Variants in CEP72 observed in about 807,000 individuals in gnomAD.
The protein encoded by CEP72 is centrosomal protein of 72 kDa.
Under a neutral mutation model 65.7 loss-of-function variants are expected in CEP72, and 78 were observed. The observed-to-expected ratio is 1.19, with a 90% CI of 0.99 to 1.43. The LOEUF is 1.43. Ranked by LOEUF, CEP72 falls within the 40% of genes most tolerant of loss-of-function variation. The pLI is 0.00. For synonymous variants in CEP72, 358 were observed against 351.7 expected (o/e 1.02, Z -0.20); for missense variants, 914 against 832.9 (o/e 1.10, Z -1.20).
intron 9 of CEP72, chr5:641,350 G>C (rs1035692693): frequency 3.9e-5 from 38 of 985,336 alleles, no homozygotes; most frequent in Non-Finnish European, 4.3e-5. Flanking sequence ...TGAGGGCAGA[G>C]CCACGTGAGG....
At chr5:648,909 G>C (rs997551903) in intron 11 of CEP72, among the ~76,000 whole-genome samples, 18 of 72,886 alleles carry the variant, frequency 2.5e-4, no homozygotes, top group African/African-American at 5.6e-4. Context: ...GACTGTGAGG[G>C]GTGACTGTGA....
At chr5:620,872 A>G (rs1443343926) in intron 3 of CEP72, among the ~76,000 whole-genome samples, 2 of 152,200 alleles carry the variant, frequency 1.3e-5, no homozygotes, top group Non-Finnish European at 2.9e-5. Flanking sequence ...TCACCTTCCC[A>G]TCTGCCTCCT....
At position 652,863 on chromosome 5, in the gene CEP72, A is replaced by G; in HGVS notation, c.1779-125A>G. ...CAGAAGGTGATGGGGCCACAGAGAT[A>G]GGTCTGTGTGCAGGGCCAGGGCACC... is the stretch of plus-strand genomic sequence containing the variant. On this transcript the variant is annotated intron_variant, in intron 11 of 11. Transcript: ENST00000264935. 3.9e-6 allele frequency: 4 copies of G among 1,031,444 alleles called. No individual in the cohort carries two copies. The South Asian group carries it at 7.3e-5, about 19-fold the overall frequency. The allele number at this position is 1,031,444 out of a possible 1,614,324, so 63.9% of individuals were successfully genotyped here.
At chr5:613,513 G>A (rs1395491513) in intron 1 of CEP72, among the ~76,000 whole-genome samples, 2 of 152,124 alleles carry the variant, frequency 1.3e-5, no homozygotes, top group East Asian at 1.9e-4. Context: ...TTACAAGCAC[G>A]CGCCACCATG....
At chr5:669,009 A>G (rs1740079722), downstream of CEP72, among the ~76,000 whole-genome samples, 1 of 152,228 alleles carries the variant, frequency 6.6e-6, no homozygotes, top group Admixed American at 6.5e-5. Flanking sequence ...TGTCCTAAAG[A>G]CACAACAGAC....
intron 2 of CEP72, among the ~76,000 whole-genome samples, chr5:619,800 C>T (rs571379959): frequency 8.5e-5 from 13 of 152,340 alleles, no homozygotes; most frequent in Admixed American, 3.3e-4. Flanking sequence ...GCGTGCACAT[C>T]ACTCAGCTTG....
intron 10 of CEP72, 128 bp from the exon 11 acceptor site, chr5:647,677 G>A (rs1279326805): frequency 1.5e-6 from 1 of 678,212 alleles, no homozygotes. Context: ...CATTAATACT[G>A]ATCTTTTCCA....
chr5:635,528 C>G lies in CEP72; in HGVS notation c.848C>G (p.Ala283Gly). The G allele has an allele frequency of 1.9e-6, 3 of 1,613,918 alleles. No individual in the cohort carries two copies. Among genetic ancestry groups the G allele is most frequent in the Non-Finnish European group, 2.5e-6 (3 of 1,179,930 alleles). Residue 283 changes from alanine (A) to glycine (G), a missense_variant, in exon 6 of 12, where the codon GCG becomes GGG. Physicochemically the swap from Ala to Gly is moderately conservative, Grantham distance 60. Transcript: ENST00000264935. ...LCGELPPLYG[A>G]EPEASRAPRP... The stretch of plus-strand genomic sequence containing the variant: ...GGAGAGCTTCCGCCACTGTACGGAG[C>G]GGAGCCAGAGGCCTCCCGTGCCCCC...
At chr5:641,735 C>T (rs1293859824) in intron 9 of CEP72, 1 of 983,994 alleles carries the variant, frequency 1.0e-6, no homozygotes, top group Non-Finnish European at 1.2e-6. Flanking sequence ...ACATGGCCCC[C>T]CATCCCCCAT....
chr5:615,901 C>G lies in CEP72; in HGVS notation c.83-3089C>G, dbSNP rs1013013629. ...TGTAATTCAACACAGTTTACTTGTA[C>G]AGGTATTTTACTACTTCTAAGTGAA... On this transcript the variant is annotated intron_variant, in intron 1 of 11. Transcript: ENST00000264935. 5.3e-5 allele frequency among the ~76,000 whole-genome samples: 8 copies of G among 152,176 alleles called. No individual in the cohort carries two copies. In the East Asian group the frequency reaches 1.5e-3, roughly 29 times the overall value.
At chr5:648,847 ACT>A (rs1738656005) in intron 11 of CEP72, among the ~76,000 whole-genome samples, 5 of 19,342 alleles carry the variant, frequency 2.6e-4, no homozygotes, top group African/African-American at 1.0e-3. Context: ...TGAGGTGTGG[ACT>A]GTGAGGTGTG....
At chr5:648,511 GGACTGTGAGGTGT>G (rs1442106302) in intron 11 of CEP72, among the ~76,000 whole-genome samples, 19,702 of 116,202 alleles carry the variant, frequency 0.17, 2,584 homozygotes, top group East Asian at 0.27. Flanking sequence ...TGTGAGGTGT[GGACTGTGAGGTGT>G]GACTGTGAGG....
rs181115052 is a variant in CEP72, at chr5:620,891, G to T, written c.403+630G>T. Among the ~76,000 whole-genome samples, 50 of 152,320 alleles carry T rather than the reference G, an allele frequency of 3.3e-4. 1 individual carries two copies. In the East Asian group the frequency reaches 9.7e-3, roughly 29 times the overall value. ...CTTCCCATCTGCCTCCTGCCTCCCC[G>T]GAGGCATTGTTGCTGTTGCTGTTGC... On this transcript the variant is annotated intron_variant, in intron 3 of 11. Transcript: ENST00000264935.
intron 4 of CEP72, among the ~76,000 whole-genome samples, chr5:626,349 C>T (rs188086828): frequency 1.3e-5 from 2 of 152,324 alleles, no homozygotes; most frequent in Admixed American, 6.5e-5. Context: ...CGCAGCCTTG[C>T]GCCTGCTGGC....
At chr5:648,235 T>C (rs1273598543) in intron 11 of CEP72, among the ~76,000 whole-genome samples, 2 of 148,676 alleles carry the variant, frequency 1.3e-5, no homozygotes, top group Admixed American at 1.3e-4. Flanking sequence ...TATGTGACCA[T>C]GGGGTGTGGG....
chr5:668,569 G>A (rs554267563), downstream of CEP72, among the ~76,000 whole-genome samples: 58 of 152,346 alleles, frequency 3.8e-4, no homozygotes, highest in African/African-American at 1.3e-3. Flanking sequence ...CCGGCACCTC[G>A]AGCTGAGCAG....
intron 3 of CEP72, among the ~76,000 whole-genome samples, chr5:622,363 G>A (rs887556575): frequency 7.2e-5 from 11 of 152,264 alleles, no homozygotes; most frequent in African/African-American, 2.7e-4. Context: ...TCTTGCAGGA[G>A]CTCAGCTCCC....
chr5:673,407 T>G, the CEP72 span, among the ~76,000 whole-genome samples: 1 of 146,832 alleles, frequency 6.8e-6, no homozygotes, highest in African/African-American at 2.5e-5. Flanking sequence ...GAGGAGGAGG[T>G]GGGGGCAGCC....
At chr5:635,965 A>G (rs965443378) in intron 6 of CEP72, among the ~76,000 whole-genome samples, 1 of 151,806 alleles carries the variant, frequency 6.6e-6, no homozygotes, top group African/African-American at 2.4e-5. Context: ...CTCATCCTTT[A>G]TCAGGAACCC....
Sources: gnomAD v4.1 joint callset for allele counts (sites outside exome capture counted in the v4.1 genomes callset) on GRCh38, gnomAD v4.1.1 for gene constraint, MANE v1.5 for transcripts, NCBI Gene and HGNC (gene_info 2026-07-23, HGNC 2026-07-21) for gene names.